Variants in POP1 observed in about 807,000 individuals in gnomAD.
POP1 encodes the protein POP1 ribonuclease P/MRP subunit.
A neutral mutation model predicts 102.2 loss-of-function variants in POP1; 75 were observed. That is an observed-to-expected ratio of 0.73 (90% CI 0.61 to 0.89). The LOEUF is 0.89. POP1 is among the 40% of genes least tolerant of loss of function. The probability of loss-of-function intolerance (pLI) is 0.00; values close to 1 mark genes in which losing one functional copy is unlikely to be tolerated. For synonymous variants in POP1, 436 were observed against 464.1 expected (o/e 0.94, Z 0.78); for missense variants, 1,116 against 1,267.4 (o/e 0.88, Z 1.81).
rs868622083 is a variant in POP1 at position 98,156,239 on chromosome 8, TA to T, written c.2254del (p.Thr752LeufsTer12). On this transcript the variant is annotated frameshift_variant, in exon 15 of 16. Transcript: ENST00000401707. LOFTEE classifies it high-confidence loss of function. ...RSEVPCAPMP[K>X]KTHQPSDEVG... is the part of the protein sequence containing the mutation. The stretch of plus-strand genomic sequence containing the variant: ...CTGAGGTGCCTTGTGCTCCCATGCC[TA>T]AAAAAACTCATCAGCCATCTGATGA... 44 of 1,613,812 alleles carry T rather than the reference TA, an allele frequency of 2.7e-5. No individual in the cohort carries two copies. The highest frequency in any genetic ancestry group is 3.6e-5 in the Non-Finnish European group (42 of 1,179,970).
At chr8:98,123,227 C>A in intron 1 of POP1, 109 bp from the exon 2 acceptor site, 2 of 1,300,830 alleles carry the variant, frequency 1.5e-6, no homozygotes, top group Non-Finnish European at 2.1e-6. Flanking sequence ...AGGGTCTCTT[C>A]CATCAATAGA....
At chr8:98,136,458 G>A in intron 7 of POP1, 24 bp from the exon 8 acceptor site, 1 of 1,584,010 alleles carries the variant, frequency 6.3e-7, no homozygotes, top group Non-Finnish European at 8.6e-7. Flanking sequence ...AGATTTTAAA[G>A]TGAATGTTTA....
At chr8:98,136,242 T>C (rs1389846014) in intron 7 of POP1, among the ~76,000 whole-genome samples, 1 of 151,806 alleles carries the variant, frequency 6.6e-6, no homozygotes, top group East Asian at 1.9e-4. Context: ...CACCCAACTA[T>C]TTTTTGTATT....
intron 5 of POP1, 27 bp from the exon 6 acceptor site, chr8:98,133,922 C>T: frequency 6.4e-7 from 1 of 1,570,246 alleles, no homozygotes; most frequent in Non-Finnish European, 8.8e-7. Flanking sequence ...TTCCTAAGTA[C>T]TTAATTGTGT....
At chr8:98,140,656 T>G in intron 10 of POP1, 113 bp from the exon 11 acceptor site, 1 of 1,058,430 alleles carries the variant, frequency 9.4e-7, no homozygotes, top group East Asian at 2.4e-5. Context: ...TGTTTTTAAG[T>G]AATTAGTCCA....
In POP1 at chr8:98,128,971, G is replaced by C. The variant is rs149507527; in HGVS notation, c.486+431G>C. Among the ~76,000 whole-genome samples the C allele has an allele frequency of 4.4e-3, 669 of 151,438 alleles. 4 individuals are homozygous for C. Among genetic ancestry groups the C allele is most frequent in the African/African-American group, 0.015 (613 of 41,340 alleles). The stretch of plus-strand genomic sequence containing the variant: ...CATCACCCTTATGGTTTTTGTTTTT[G>C]TTTTGCATATATTTGATTTAATCAT... On this transcript the variant is annotated intron_variant, in intron 4 of 15. Coordinates refer to ENST00000401707, the MANE Select transcript of POP1 (RefSeq NM_001145860.2).
intron 14 of POP1, among the ~76,000 whole-genome samples, chr8:98,154,664 AGT>A (rs1368788128): frequency 6.6e-6 from 1 of 152,182 alleles, no homozygotes; most frequent in Non-Finnish European, 1.5e-5. Context: ...CAAGAGTCAT[AGT>A]GGTGCAGGGG....
chr8:98,123,528 C>CAA, intron 2 of POP1, 49 bp downstream of exon 2: 1 of 1,578,264 alleles, frequency 6.3e-7, no homozygotes, highest in Non-Finnish European at 8.7e-7. Flanking sequence ...CCTGTAATCC[C>CAA]AGCACTTTGG....
Position 98,127,382 on chromosome 8 carries a change from C to T in POP1, c.143-213C>T, listed in dbSNP as rs4735529. ...TTTATATGTCATCCTGACATGATTACCTTGTGTGCTACCTACTAGCTTTGT... is the reference window on the plus strand; with the variant it reads ...TTTATATGTCATCCTGACATGATTATCTTGTGTGCTACCTACTAGCTTTGT... On this transcript the variant is annotated intron_variant, in intron 2 of 15. Transcript: ENST00000401707. 0.49 allele frequency among the ~76,000 whole-genome samples: 75,110 copies of T among 151,994 alleles called. 18,940 individuals are homozygous for T. Among genetic ancestry groups the T allele is most frequent in the Middle Eastern group, 0.55 (161 of 294 alleles).
At chr8:98,140,973 T>A in intron 11 of POP1, 85 bp downstream of exon 11, 1 of 1,497,586 alleles carries the variant, frequency 6.7e-7, no homozygotes, top group Non-Finnish European at 9.3e-7. Context: ...CTCTGACACC[T>A]CTCCAGTAAC....
chr8:98,134,448 G>A, intron 6 of POP1, 24 bp from the exon 7 acceptor site: 2 of 1,613,010 alleles, frequency 1.2e-6, no homozygotes, highest in Non-Finnish European at 1.7e-6. Context: ...CGGAATTATG[G>A]AATTTTGCTT....
intron 12 of POP1, among the ~76,000 whole-genome samples, chr8:98,147,315 A>G (rs979525424): frequency 1.3e-5 from 2 of 152,210 alleles, no homozygotes; most frequent in African/African-American, 2.4e-5. Context: ...TCTTGGGGGC[A>G]GGGTCAAGGT....
intron 14 of POP1, among the ~76,000 whole-genome samples, chr8:98,153,556 T>TTTTTTTTTG (rs59728060): frequency 7.2e-6 from 1 of 139,006 alleles, no homozygotes; most frequent in African/African-American, 2.7e-5. Flanking sequence ...TTTTTTTTTT[T>TTTTTTTTTG]GAGACAGAGT....
intron 10 of POP1, 35 bp downstream of exon 10, chr8:98,140,224 G>A: frequency 6.3e-7 from 1 of 1,581,688 alleles, no homozygotes; most frequent in Non-Finnish European, 8.7e-7. Context: ...TGTTGGGGAG[G>A]GAAGGGGGCC....
chr8:98,134,040 A>C lies in POP1; in HGVS notation c.823+4A>C. ...GGAATGTGTAACATAGACACAGGTA[A>C]ACTTGTTTTAAAGCTGAGTTCTATT... is the stretch of plus-strand genomic sequence containing the variant. On this transcript the variant is annotated splice_donor_region_variant and intron_variant, in intron 6 of 15. Coordinates refer to ENST00000401707, the MANE Select transcript of POP1 (RefSeq NM_001145860.2). 6.3e-7 allele frequency: 1 copy of C among 1,593,216 alleles called. No homozygotes were observed. Among genetic ancestry groups the C allele is most frequent in the Non-Finnish European group, 8.6e-7 (1 of 1,160,922 alleles).
In POP1 at chr8:98,127,585, A is replaced by C. The variant is rs1021291131; in HGVS notation, c.143-10A>C. ...TAAAGGTGACATGTTTCTTTTTGAA[A>C]ATATACTAGAGCCTCATCCTGGAAC... On this transcript the variant is annotated splice_polypyrimidine_tract_variant and intron_variant, in intron 2 of 15. Transcript: ENST00000401707. 4.3e-6 allele frequency: 7 copies of C among 1,613,960 alleles called. No individual in the cohort carries two copies. Among genetic ancestry groups the C allele is most frequent in the African/African-American group, 1.3e-5 (1 of 74,904 alleles).
At chr8:98,154,983 G>C (rs978876480) in intron 14 of POP1, among the ~76,000 whole-genome samples, 25 of 152,198 alleles carry the variant, frequency 1.6e-4, no homozygotes, top group African/African-American at 6.0e-4. Context: ...ATATCTGCTT[G>C]TGTGTACATA....
intron 1 of POP1, among the ~76,000 whole-genome samples, chr8:98,121,031 C>T (rs1027849185): frequency 6.6e-6 from 1 of 152,190 alleles, no homozygotes; most frequent in African/African-American, 2.4e-5. Context: ...GATCCACTCG[C>T]CTTGGCCTCC....
intron 4 of POP1, 79 bp downstream of exon 4, chr8:98,128,619 A>G (rs553062666): frequency 6.6e-6 from 10 of 1,516,674 alleles, no homozygotes; most frequent in Non-Finnish European, 9.0e-6. Flanking sequence ...AATAGAATTT[A>G]TTAAAAATGA....
Sources: allele counts gnomAD v4.1 joint callset (sites outside exome capture counted in the v4.1 genomes callset), GRCh38; gene constraint gnomAD v4.1.1; transcripts MANE v1.5; gene names NCBI Gene and HGNC (gene_info 2026-07-23, HGNC 2026-07-21).